Variants in KRIT1 observed in about 807,000 individuals in gnomAD.
KRIT1 encodes krev interaction trapped protein 1.
KRIT1 carries 45 observed loss-of-function variants against 95.8 expected under a neutral mutation model. The observed-to-expected ratio is 0.47, with a 90% CI of 0.37 to 0.60. The LOEUF is 0.60. Among genes scored for constraint, KRIT1 ranks in the 20% least tolerant of loss-of-function variants. The pLI is 0.00. For synonymous variants in KRIT1, 282 were observed against 278.8 expected (o/e 1.01, Z -0.11); for missense variants, 788 against 877.5 (o/e 0.90, Z 1.29).
chr7:92,221,629 T>C (rs1019576037), intron 14 of KRIT1, among the ~76,000 whole-genome samples: 1 of 152,108 alleles, frequency 6.6e-6, no homozygotes, highest in Admixed American at 6.6e-5. Context: ...GTCTAAACAA[T>C]TTTTTTTCCT....
intron 7 of KRIT1, 125 bp from the exon 8 acceptor site, chr7:92,235,771 T>C: frequency 2.3e-6 from 2 of 870,132 alleles, no homozygotes; most frequent in Non-Finnish European, 3.6e-6. Context: ...AATTTTAATT[T>C]AGTGTTAGTT....
upstream of KRIT1, chr7:92,246,090 T>TGAGCCG (rs886062498): frequency 3.2e-4 from 90 of 282,324 alleles, 1 homozygote; most frequent in Middle Eastern, 5.0e-3. Context: ...TGCCAGCGGC[T>TGAGCCG]GAGCCGGAGC....
chr7:92,210,304 C>T (rs1260361972), intron 17 of KRIT1, among the ~76,000 whole-genome samples: 5 of 152,090 alleles, frequency 3.3e-5, no homozygotes, highest in African/African-American at 1.2e-4. Context: ...ACTACACAAA[C>T]CTACAGTAAC....
In KRIT1 at chr7:92,222,958, GTA is replaced by G; in HGVS notation, c.1273_1274del (p.Tyr425GlnfsTer10). 1 of 1,609,592 alleles carries G rather than the reference GTA, an allele frequency of 6.2e-7. No individual in the cohort carries two copies. The highest frequency in any genetic ancestry group is 8.5e-7 in the Non-Finnish European group (1 of 1,176,394). On this transcript the variant is annotated frameshift_variant, in exon 13 of 19. Coordinates refer to ENST00000394505, the MANE Select transcript of KRIT1 (RefSeq NM_194454.3). LOFTEE classifies it high-confidence loss of function. ...CAGAACGATATGACCCATCCATTCT[GTA>G]TATTCGAACTTTTTCATACTACAAG... is the stretch of plus-strand genomic sequence containing the variant. Reference protein sequence around the residue: ...INKPYEKVRIYRMDGSYRSVE... With the variant: ...INKPYEKVRIXRMDGSYRSVE...
At chr7:92,222,412 T>C (rs919590565) in intron 13 of KRIT1, among the ~76,000 whole-genome samples, 1 of 152,140 alleles carries the variant, frequency 6.6e-6, no homozygotes, top group Non-Finnish European at 1.5e-5. Context: ...GTGTAATACT[T>C]TGAAGAACAA....
rs369870901 is a variant in KRIT1, at chr7:92,234,797, C to T, written c.845+11G>A. The stretch of plus-strand genomic sequence containing the variant: ...TTATAAAAGCAATGTGGAGTAAAAC[C>T]GAAACAGTACTTGTCTTCTGTGACA... On this transcript the variant is annotated intron_variant, in intron 9 of 18. Transcript: ENST00000394505. 34 of 1,469,542 alleles carry T rather than the reference C, an allele frequency of 2.3e-5. No homozygotes were observed. The highest frequency in any genetic ancestry group is 5.7e-5 in the South Asian group (5 of 88,184). 91.0% of individuals were successfully genotyped at this position (1,469,542 alleles called of 1,614,324 possible).
At position 92,200,136 on chromosome 7, in the gene KRIT1, C is replaced by T. The variant is rs955144846; in HGVS notation, c.*600G>A. The T allele has an allele frequency of 7.8e-5, 12 of 152,898 alleles. No homozygotes were observed. Among genetic ancestry groups the T allele is most frequent in the African/African-American group, 2.6e-4 (11 of 41,532 alleles). 9.5% of individuals were successfully genotyped at this position (152,898 alleles called of 1,614,324 possible). A position where few individuals can be genotyped will look rare whatever the true frequency, so the allele number is the denominator to read the frequency against. On this transcript the variant is annotated 3_prime_UTR_variant, in exon 19 of 19. Coordinates refer to ENST00000394505, the MANE Select transcript of KRIT1 (RefSeq NM_194454.3). ...ATCACATTCCACCCCAAATTCCTTA[C>T]CATTTACCAAAAATAACTTTTTATA...
intron 17 of KRIT1, chr7:92,202,372 C>T (rs1335256656): frequency 6.6e-6 from 1 of 152,090 alleles, no homozygotes; most frequent in Non-Finnish European, 1.5e-5. Flanking sequence ...TTAATGATTC[C>T]TACACTTTCC....
At chr7:92,242,547 A>G (rs1799915271) in intron 3 of KRIT1, among the ~76,000 whole-genome samples, 1 of 152,208 alleles carries the variant, frequency 6.6e-6, no homozygotes, top group Non-Finnish European at 1.5e-5. Context: ...CACTTTTTCC[A>G]TAAATTACAA....
intron 4 of KRIT1, among the ~76,000 whole-genome samples, chr7:92,241,522 T>A (rs1308040099): frequency 6.6e-6 from 1 of 152,150 alleles, no homozygotes; most frequent in African/African-American, 2.4e-5. Flanking sequence ...TTGCTTGAAA[T>A]CTGTTGCATA....
chr7:92,222,919 A>G lies in KRIT1; in HGVS notation c.1314T>C (p.His438=). The G allele has an allele frequency of 6.2e-7, 1 of 1,606,942 alleles. No individual in the cohort carries two copies. Among genetic ancestry groups the G allele is most frequent in the Non-Finnish European group, 8.5e-7 (1 of 1,173,602 alleles). ...DGSYRSVELK[H]GNNTTVQQIM... Reference sequence around the variant, plus strand: ...TCTGCTGCACTGTGGTATTATTTCCATGCTTCAATTCAACAGAACGATATG... The same window carrying G: ...TCTGCTGCACTGTGGTATTATTTCCGTGCTTCAATTCAACAGAACGATATG... The change falls in exon 13 of 19, where the codon CAT becomes CAC. Residue 438 remains histidine, a synonymous_variant. Coordinates refer to ENST00000394505, the MANE Select transcript of KRIT1 (RefSeq NM_194454.3).
At chr7:92,234,984 G>A in intron 8 of KRIT1, 61 bp from the exon 9 acceptor site, 1 of 820,034 alleles carries the variant, frequency 1.2e-6, no homozygotes, top group Middle Eastern at 2.5e-4. Context: ...ATGTTTACAT[G>A]TTTATATTTT....
At position 92,226,584 on chromosome 7, in the gene KRIT1, G is replaced by T. The variant is rs776826088; in HGVS notation, c.1088C>A (p.Ala363Asp). 1 of 1,612,206 alleles carries T rather than the reference G, an allele frequency of 6.2e-7. No homozygotes were observed. Among genetic ancestry groups the T allele is most frequent in the Non-Finnish European group, 8.5e-7 (1 of 1,178,456 alleles). Residue 363 changes from alanine to aspartate, a missense_variant, in exon 11 of 19, where the codon GCT (alanine) becomes GAT (aspartate). Coordinates refer to ENST00000394505, the MANE Select transcript of KRIT1 (RefSeq NM_194454.3). ...GQLSSPLHFA[A>D]GGGHAEIVQI... ...TACTATTTCAGCATGTCCTCCTCCA[G>T]CAGCAAAATGAAGAGGAGAACTAAG...
chr7:92,245,282 A>T (rs915500021), intron 1 of KRIT1, 111 bp from the exon 2 acceptor site: 2 of 151,644 alleles, frequency 1.3e-5, no homozygotes, highest in African/African-American at 4.9e-5. Context: ...ATACGTAATC[A>T]CTCTGCCTGG....
At chr7:92,237,003 G>A (rs1798571244) in intron 6 of KRIT1, among the ~76,000 whole-genome samples, 1 of 152,108 alleles carries the variant, frequency 6.6e-6, no homozygotes, top group Non-Finnish European at 1.5e-5. Context: ...GTACTCTATA[G>A]TTTCCAAGGT....
At chr7:92,235,339 A>G (rs765692163) in intron 8 of KRIT1, 64 bp downstream of exon 8, 580 of 1,514,394 alleles carry the variant, frequency 3.8e-4, no homozygotes, top group Non-Finnish European at 5.1e-4. Context: ...ATATCTCAGG[A>G]AAAAAAATTA....
At chr7:92,239,682 G>A (rs1799185204) in intron 5 of KRIT1, among the ~76,000 whole-genome samples, 3 of 144,722 alleles carry the variant, frequency 2.1e-5, no homozygotes, top group Admixed American at 2.1e-4. Flanking sequence ...GACTCGGAGT[G>A]TTTATCACAG....
At chr7:92,204,334 C>T (rs556443657) in intron 17 of KRIT1, among the ~76,000 whole-genome samples, 18 of 151,772 alleles carry the variant, frequency 1.2e-4, no homozygotes, top group Admixed American at 9.8e-4. Context: ...CGCAAGAGAG[C>T]AGTGCCCAAC....
intron 17 of KRIT1, among the ~76,000 whole-genome samples, chr7:92,203,644 A>G (rs1453259114): frequency 6.6e-6 from 1 of 152,248 alleles, no homozygotes; most frequent in Non-Finnish European, 1.5e-5. Context: ...GTGTTAAATA[A>G]TATCACTAAA....
Sources: gnomAD v4.1 joint callset for allele counts (sites outside exome capture counted in the v4.1 genomes callset) on GRCh38, gnomAD v4.1.1 for gene constraint, MANE v1.5 for transcripts, NCBI Gene and HGNC (gene_info 2026-07-23, HGNC 2026-07-21) for gene names.